The following CCNB2 variants were observed in gnomAD, a reference collection of about 807,000 sequenced individuals.
The protein encoded by CCNB2 is G2/mitotic-specific cyclin-B2.
Under a neutral mutation model 51.1 loss-of-function variants are expected in CCNB2, and 39 were observed. The observed-to-expected ratio is 0.76, with a 90% confidence interval of 0.59 to 1.00. The LOEUF (loss-of-function observed/expected upper bound fraction) is 1.00. Among genes scored for constraint, CCNB2 ranks in the 50% least tolerant of loss-of-function variants. The probability of loss-of-function intolerance (pLI) is 0.00; values close to 1 mark genes in which losing one functional copy is unlikely to be tolerated. For synonymous variants in CCNB2, 174 were observed against 165.5 expected, an observed-to-expected ratio of 1.05 and a Z score of -0.40; for missense variants, 472 against 470.3, an observed-to-expected ratio of 1.00 and a Z score of -0.03.
Position 59,123,569 on chromosome 15 carries a change from T to C in CCNB2, c.1028T>C (p.Val343Ala). The C allele has an allele frequency of 1.2e-6, 2 of 1,613,596 alleles. No homozygotes were observed. Among genetic ancestry groups the C allele is most frequent in the Non-Finnish European group, 1.7e-6 (2 of 1,179,682 alleles). Residue 343 changes from valine (V) to alanine (A), a missense_variant, in exon 8 of 9, where the codon GTC becomes GCC. Val to Ala is a moderately conservative substitution (Grantham distance 64). Transcript: ENST00000288207. ...TACACAGAGAATGAAGTATTGGAAGTCATGCAGCACATGGCCAAGAATGTG... is the reference window on the plus strand; with the variant it reads ...TACACAGAGAATGAAGTATTGGAAGCCATGCAGCACATGGCCAAGAATGTG... The part of the protein sequence containing the change: ...TGYTENEVLE[V>A]MQHMAKNVVK...
chr15:59,115,963 C>G (rs2079277098), intron 5 of CCNB2: 1 of 152,166 alleles, frequency 6.6e-6, no homozygotes, highest in Admixed American at 6.5e-5. Context: ...AACTCCTTAG[C>G]TCAAGTGATC....
chr15:59,114,729 C>T lies in CCNB2; in HGVS notation c.450C>T (p.Ser150=), dbSNP rs574882835. The change falls in exon 5 of 9, where the codon TCC becomes TCT. Residue 150 remains serine (S), a synonymous_variant. Coordinates refer to ENST00000288207, the MANE Select transcript of CCNB2 (RefSeq NM_004701.4). ...GATTCTACCCACAGGTTTTGCAGTC[C>T]ATAAACCCACATTTCTTAGATGGAA... ...QYLRQLEVLQ[S]INPHFLDGRD... The T allele has an allele frequency of 6.2e-7, 1 of 1,611,488 alleles. No individual in the cohort carries two copies. Among genetic ancestry groups the T allele is most frequent in the Admixed American group, 1.7e-5 (1 of 59,808 alleles).
At chr15:59,122,128 AAAG>A (rs2079304738) in intron 7 of CCNB2, among the ~76,000 whole-genome samples, 1 of 151,864 alleles carries the variant, frequency 6.6e-6, no homozygotes, top group Non-Finnish European at 1.5e-5. Flanking sequence ...TCAAAGAAAA[AAAG>A]AGATTAAATT....
chr15:59,110,274 G>A (rs535652665), intron 3 of CCNB2, among the ~76,000 whole-genome samples: 6 of 152,182 alleles, frequency 3.9e-5, no homozygotes, highest in East Asian at 3.9e-4. Context: ...TTATGGACCC[G>A]TAGCTCAGTT....
At position 59,114,445 on chromosome 15, in the gene CCNB2, G is replaced by T; in HGVS notation, c.269G>T (p.Gly90Val). 1 of 1,595,052 alleles carries T rather than the reference G, an allele frequency of 6.3e-7. No homozygotes were observed. Among genetic ancestry groups the T allele is most frequent in the East Asian group, 2.2e-5 (1 of 44,768 alleles). ...PVQMEKLAPK[G>V]PSPTPEDVSM... ...ATGTGCCTAAATTTGTTGGTGTAGG[G>T]TCCTTCTCCCACACCTGAGGATGTC... The change falls in exon 4 of 9, where the codon GGT becomes GTT. Residue 90 changes from glycine to valine, a missense_variant and splice_region_variant. Transcript: ENST00000288207.
intron 3 of CCNB2, among the ~76,000 whole-genome samples, chr15:59,109,440 A>T (rs2079249350): frequency 6.6e-6 from 1 of 152,234 alleles, no homozygotes; most frequent in African/African-American, 2.4e-5. Context: ...AGTGTCTCTT[A>T]TAGAGTAGAG....
Position 59,105,268 on chromosome 15 carries a change from C to T in CCNB2, c.-1C>T. Reference sequence around the variant, plus strand: ...TGGCACTCTTGCCTTCCCCGTCCCTCATGGCGCTGCTCCGACGCCCGACGG... The same window carrying T: ...TGGCACTCTTGCCTTCCCCGTCCCTTATGGCGCTGCTCCGACGCCCGACGG... On this transcript the variant is annotated 5_prime_UTR_variant, in exon 1 of 9. Transcript: ENST00000288207. The T allele has an allele frequency of 1.9e-6, 3 of 1,567,636 alleles. No individual in the cohort carries two copies. Among genetic ancestry groups the T allele is most frequent in the Non-Finnish European group, 2.6e-6 (3 of 1,159,144 alleles).
chr15:59,114,309 C>A, intron 3 of CCNB2, 135 bp from the exon 4 acceptor site: 1 of 606,778 alleles, frequency 1.6e-6, no homozygotes, highest in Non-Finnish European at 2.8e-6. Flanking sequence ...TTGAATTATT[C>A]ACCTCTTGGT....
intron 1 of CCNB2, 37 bp downstream of exon 1, chr15:59,105,329 C>T (rs2079231021): frequency 6.5e-7 from 1 of 1,543,270 alleles, no homozygotes; most frequent in South Asian, 1.2e-5. Context: ...GAGGCGAGTC[C>T]GTCGGCCCCA....
At position 59,107,380 on chromosome 15, in the gene CCNB2, T is replaced by C. The variant is rs767695563; in HGVS notation, c.83T>C (p.Val28Ala). 6.2e-7 allele frequency: 1 copy of C among 1,613,724 alleles called. No individual in the cohort carries two copies. The highest frequency in any genetic ancestry group is 1.7e-5 in the Admixed American group (1 of 59,980). Residue 28 changes from valine (V) to alanine (A), a missense_variant, in exon 2 of 9, where the codon GTG becomes GCG. Physicochemically the swap from Val to Ala is moderately conservative, Grantham distance 64. Coordinates refer to ENST00000288207, the MANE Select transcript of CCNB2 (RefSeq NM_004701.4). ...TGVNSKVKSHVTIRRTVLEEI... is the reference protein window; with the variant it reads ...TGVNSKVKSHATIRRTVLEEI... ...GTTAATTCTAAAGTTAAGAGTCATG[T>C]GACTATTAGGCGAACTGTTTTAGAA... is the stretch of plus-strand genomic sequence containing the variant.
chr15:59,115,642 A>G (rs370968890), intron 5 of CCNB2: 1 of 152,214 alleles, frequency 6.6e-6, no homozygotes, highest in African/African-American at 2.4e-5. Context: ...TTACTTTACA[A>G]TAATGACCCT....
chr15:59,105,211 CT>C lies in CCNB2; in HGVS notation c.-54del. 2.0e-6 allele frequency: 3 copies of C among 1,532,750 alleles called. No homozygotes were observed. The highest frequency in any genetic ancestry group is 1.8e-6 in the Non-Finnish European group (2 of 1,133,688). The allele number at this position is 1,532,750 out of a possible 1,614,324, so 94.9% of individuals were successfully genotyped here. A position where few individuals can be genotyped will look rare whatever the true frequency, so the allele number is the denominator to read the frequency against. ...GGCGCCTCGTACGCTAGTGTCCTCC[CT>C]TTTCAGTCCGCGTCCCTCCCTGGGC... On this transcript the variant is annotated 5_prime_UTR_variant, in exon 1 of 9. Coordinates refer to ENST00000288207, the MANE Select transcript of CCNB2 (RefSeq NM_004701.4).
rs756679957 is a variant in CCNB2 at position 59,114,527 on chromosome 15, C to T, written c.351C>T (p.Ile117=). 19 of 1,613,746 alleles carry T rather than the reference C, an allele frequency of 1.2e-5. No homozygotes were observed. In the East Asian group the frequency reaches 2.5e-4, roughly 21 times the overall value. ...QAFSDALLCK[I]EDIDNEDWEN... is the part of the protein sequence containing the mutation. ...TTTCTGATGCCTTGCTCTGCAAAAT[C>T]GAGGACATTGATAACGAAGATTGGG... The change falls in exon 4 of 9, where the codon ATC becomes ATT. Residue 117 remains isoleucine, a synonymous_variant. Coordinates refer to ENST00000288207, the MANE Select transcript of CCNB2 (RefSeq NM_004701.4).
At position 59,124,694 on chromosome 15, in the gene CCNB2, T is replaced by C. The variant is rs972054108; in HGVS notation, c.1087-73T>C. On this transcript the variant is annotated intron_variant, in intron 8 of 8. Coordinates refer to ENST00000288207, the MANE Select transcript of CCNB2 (RefSeq NM_004701.4). ...GATTGTAGCCGTGGACCTTTGATAA[T>C]TGTGAGTTAGACTAGGAATAAGGTA... is the stretch of plus-strand genomic sequence containing the variant. 6.0e-5 allele frequency: 61 copies of C among 1,018,840 alleles called. No individual in the cohort carries two copies. The African/African-American group carries it at 8.1e-4, about 13-fold the overall frequency. The allele number at this position is 1,018,840 out of a possible 1,614,324, so 63.1% of individuals were successfully genotyped here.
intron 1 of CCNB2, among the ~76,000 whole-genome samples, chr15:59,105,831 C>T (rs556057173): frequency 3.4e-4 from 52 of 152,300 alleles, no homozygotes; most frequent in African/African-American, 1.2e-3. Flanking sequence ...TATTTCGGCA[C>T]GCTAAGTCTT....
intron 3 of CCNB2, 63 bp from the exon 4 acceptor site, chr15:59,114,381 G>A (rs2079269536): frequency 7.8e-7 from 1 of 1,278,576 alleles, no homozygotes; most frequent in East Asian, 2.3e-5. Flanking sequence ...ATTTAAGCCA[G>A]TTGGCTCTGC....
At chr15:59,116,013 T>A (rs529870282) in intron 5 of CCNB2, 38 of 152,234 alleles carry the variant, frequency 2.5e-4, no homozygotes, top group African/African-American at 9.2e-4. Flanking sequence ...ATTATAGGCA[T>A]GAGCCACTGT....
intron 7 of CCNB2, among the ~76,000 whole-genome samples, chr15:59,122,820 G>A (rs1405295599): frequency 6.6e-6 from 1 of 152,176 alleles, no homozygotes; most frequent in Non-Finnish European, 1.5e-5. Flanking sequence ...ATAGGCGTGA[G>A]CCACTGTGCC....
At chr15:59,107,797 A>G (rs1474979903) in intron 3 of CCNB2, 127 bp downstream of exon 3, 4 of 688,790 alleles carry the variant, frequency 5.8e-6, no homozygotes, top group East Asian at 2.7e-5. Flanking sequence ...CTTTGAAGCA[A>G]TAGTGTAGGA....
Sources: gnomAD v4.1 joint callset for allele counts (sites outside exome capture counted in the v4.1 genomes callset) on GRCh38, gnomAD v4.1.1 for gene constraint, MANE v1.5 for transcripts, NCBI Gene and HGNC (gene_info 2026-07-23, HGNC 2026-07-21) for gene names.